SPECC1L: variants seen among roughly 807,000 people sequenced by gnomAD.
The protein encoded by SPECC1L is sperm antigen with calponin homology and coiled-coil domains 1 like.
Under a neutral mutation model 116.8 loss-of-function variants are expected in SPECC1L, and 40 were observed. That is an observed-to-expected ratio of 0.34 (90% CI 0.27 to 0.45). SPECC1L has a LOEUF of 0.45. SPECC1L is among the 20% of genes least tolerant of loss of function. SPECC1L has a pLI of 1.00. For synonymous variants in SPECC1L, 504 were observed against 500.6 expected (o/e 1.01, Z -0.09); for missense variants, 1,110 against 1,373.6 (o/e 0.81, Z 3.03).
chr22:24,352,741 G>T (rs557464439), intron 11 of SPECC1L, among the ~76,000 whole-genome samples: 2 of 152,258 alleles, frequency 1.3e-5, no homozygotes, highest in African/African-American at 4.8e-5. Context: ...GCACTTTACA[G>T]TCTAATTGGA....
At chr22:24,379,997 AG>A (rs1362768624) in intron 14 of SPECC1L, among the ~76,000 whole-genome samples, 3 of 152,134 alleles carry the variant, frequency 2.0e-5, no homozygotes, top group African/African-American at 4.8e-5. Context: ...CAGCCTCCAG[AG>A]TAACTGGGAT....
At chr22:24,339,729 A>ATTTATAT (rs575655865) in intron 10 of SPECC1L, among the ~76,000 whole-genome samples, 254 of 152,258 alleles carry the variant, frequency 1.7e-3, no homozygotes, top group African/African-American at 5.8e-3. Flanking sequence ...CTCCCTCCGC[A>ATTTATAT]TTTATATTGT....
chr22:24,307,272 G>A (rs1354623290), intron 3 of SPECC1L, among the ~76,000 whole-genome samples: 1 of 152,192 alleles, frequency 6.6e-6, no homozygotes, highest in East Asian at 1.9e-4. Flanking sequence ...CAGTACATAA[G>A]GGTTCCAATT....
At chr22:24,330,467 C>T (rs926715199) in intron 8 of SPECC1L, 36 bp downstream of exon 8, 1 of 1,605,432 alleles carries the variant, frequency 6.2e-7, no homozygotes, top group Non-Finnish European at 8.5e-7. Context: ...ACTTATGTTT[C>T]AGTAGAGAAC....
chr22:24,387,661 A>G (rs528118722), intron 14 of SPECC1L, among the ~76,000 whole-genome samples: 1 of 152,318 alleles, frequency 6.6e-6, no homozygotes, highest in East Asian at 1.9e-4. Flanking sequence ...ATTAAGATTC[A>G]TTAGATTCAT....
chr22:24,325,957 T>C (rs2040813423), intron 6 of SPECC1L, among the ~76,000 whole-genome samples: 1 of 152,118 alleles, frequency 6.6e-6, no homozygotes, highest in Admixed American at 6.5e-5. Context: ...TTTTTGCTGT[T>C]TGTTTGCTTT....
chr22:24,285,996 G>A (rs2049037842), intron 2 of SPECC1L, among the ~76,000 whole-genome samples: 1 of 152,196 alleles, frequency 6.6e-6, no homozygotes, highest in African/African-American at 2.4e-5. Flanking sequence ...CCTTAAAAGC[G>A]ATTGTTTATT....
Position 24,322,751 on chromosome 22 carries a change from G to A in SPECC1L, c.1771G>A (p.Ala591Thr), listed in dbSNP as rs755433574. 1 of 1,581,500 alleles carries A rather than the reference G, an allele frequency of 6.3e-7. No individual in the cohort carries two copies. Among genetic ancestry groups the A allele is most frequent in the Non-Finnish European group, 8.6e-7 (1 of 1,165,714 alleles). ...GCTGGAGAATGAAAAGCAGAAAGTG[G>A]CAGAGCTGTATTCTATCCATAACTC... ...AQLENEKQKV[A>T]ELYSIHNSGD... The change falls in exon 5 of 17, where the codon GCA becomes ACA. Residue 591 changes from alanine (A) to threonine (T), a missense_variant. Coordinates refer to ENST00000314328, the MANE Select transcript of SPECC1L (RefSeq NM_015330.6).
intron 14 of SPECC1L, among the ~76,000 whole-genome samples, chr22:24,401,650 G>C (rs2042476454): frequency 6.6e-6 from 1 of 152,218 alleles, no homozygotes; most frequent in East Asian, 1.9e-4. Context: ...TTCCAAGCCA[G>C]GCTGGGTGTG....
At chr22:24,407,170 C>G (rs2042608265) in intron 14 of SPECC1L, among the ~76,000 whole-genome samples, 1 of 152,238 alleles carries the variant, frequency 6.6e-6, no homozygotes, top group Non-Finnish European at 1.5e-5. Context: ...AGGTAGGGCC[C>G]CCAGCTAGCC....
chr22:24,283,696 G>A (rs906032185), intron 2 of SPECC1L, among the ~76,000 whole-genome samples: 4 of 152,080 alleles, frequency 2.6e-5, no homozygotes, highest in South Asian at 2.1e-4. Context: ...ATGCATCTAC[G>A]CCTGGGGTTT....
intron 14 of SPECC1L, among the ~76,000 whole-genome samples, chr22:24,398,524 A>G (rs1159334540): frequency 6.6e-6 from 1 of 152,214 alleles, no homozygotes; most frequent in African/African-American, 2.4e-5. Context: ...CCAAGGACTT[A>G]TAATGGAGGA....
At chr22:24,318,366 C>G (rs965896973) in intron 4 of SPECC1L, among the ~76,000 whole-genome samples, 1 of 152,104 alleles carries the variant, frequency 6.6e-6, no homozygotes, top group Admixed American at 6.5e-5. Flanking sequence ...CCAAAAAATA[C>G]GAAAACCAGT....
chr22:24,303,708 G>A (rs1334395416), intron 3 of SPECC1L, among the ~76,000 whole-genome samples: 1 of 152,148 alleles, frequency 6.6e-6, no homozygotes, highest in Non-Finnish European at 1.5e-5. Flanking sequence ...TCTGAGTCTT[G>A]GATCTGGAGT....
At chr22:24,345,299 C>T (rs913387969) in intron 10 of SPECC1L, among the ~76,000 whole-genome samples, 1 of 152,038 alleles carries the variant, frequency 6.6e-6, no homozygotes, top group Non-Finnish European at 1.5e-5. Context: ...TTATGAAATA[C>T]ACAAAATTTG....
intron 1 of SPECC1L, among the ~76,000 whole-genome samples, chr22:24,274,005 G>A (rs2048782857): frequency 6.6e-6 from 1 of 152,208 alleles, no homozygotes; most frequent in Admixed American, 6.5e-5. Context: ...TGATCCGCCT[G>A]CCTTGGCCTC....
rs2042807676 is a variant in SPECC1L, at chr22:24,416,737, A to AG, written c.*2118dup. 6.6e-6 allele frequency: 1 copy of AG among 152,256 alleles called. No individual in the cohort carries two copies. Among genetic ancestry groups the AG allele is most frequent in the South Asian group, 2.1e-4 (1 of 4,826 alleles). 9.4% of individuals were successfully genotyped at this position (152,256 alleles called of 1,614,324 possible). A position where few individuals can be genotyped will look rare whatever the true frequency, so the allele number is the denominator to read the frequency against. On this transcript the variant is annotated 3_prime_UTR_variant, in exon 17 of 17. Transcript: ENST00000314328. ...CTGGTGCCTCATGGGATGGGGGGGTAGGGGTCCCCAGGATCTTCTGGAGGA... is the reference window on the plus strand; with the variant it reads ...CTGGTGCCTCATGGGATGGGGGGGTAGGGGGTCCCCAGGATCTTCTGGAGGA...
chr22:24,413,943 C>T (rs544855726), intron 16 of SPECC1L, among the ~76,000 whole-genome samples: 33 of 152,088 alleles, frequency 2.2e-4, no homozygotes, highest in Non-Finnish European at 4.4e-4. Flanking sequence ...TTGAGGCCTT[C>T]TGTCTCGTGT....
chr22:24,312,939 A>ATT (rs1216306879), intron 3 of SPECC1L, among the ~76,000 whole-genome samples: 1 of 152,232 alleles, frequency 6.6e-6, no homozygotes, highest in African/African-American at 2.4e-5. Context: ...AGTGAAGATT[A>ATT]TTTGACTCTC....
Sources: allele counts gnomAD v4.1 joint callset (sites outside exome capture counted in the v4.1 genomes callset), GRCh38; gene constraint gnomAD v4.1.1; transcripts MANE v1.5; gene names NCBI Gene and HGNC (gene_info 2026-07-23, HGNC 2026-07-21).